Variants in TAF4B observed in about 807,000 individuals in gnomAD.
TAF4B encodes the protein transcription initiation factor TFIID subunit 4B.
Under a neutral mutation model 86.4 loss-of-function variants are expected in TAF4B, and 38 were observed. The ratio of observed to expected loss-of-function variants is 0.44; its 90% CI spans 0.34 to 0.58. TAF4B has a LOEUF of 0.58. TAF4B is among the 20% of genes least tolerant of loss of function. The pLI is 0.02. For missense variants in TAF4B, 988 were observed against 1,027.6 expected (o/e 0.96, Z 0.53); for synonymous variants, 388 against 391.2 (o/e 0.99, Z 0.10).
chr18:26,375,664 T>C (rs1161593436), intron 14 of TAF4B, among the ~76,000 whole-genome samples: 2 of 152,206 alleles, frequency 1.3e-5, no homozygotes, highest in Admixed American at 6.5e-5. Flanking sequence ...CTAATGATGT[T>C]GAGCATCTTT....
chr18:26,304,756 C>A, intron 9 of TAF4B: 1 of 985,286 alleles, frequency 1.0e-6, no homozygotes, highest in Non-Finnish European at 1.2e-6. Context: ...TTTACTGACA[C>A]CTTTTTTTTA....
At chr18:26,257,043 G>T (rs552021827) in intron 1 of TAF4B, among the ~76,000 whole-genome samples, 2 of 152,140 alleles carry the variant, frequency 1.3e-5, no homozygotes, top group African/African-American at 2.4e-5. Flanking sequence ...AGAATGTTTC[G>T]CATACACTTA....
In TAF4B at chr18:26,259,082, C is replaced by T. The variant is rs185540202; in HGVS notation, c.344-6088C>T. On this transcript the variant is annotated intron_variant, in intron 1 of 14. Coordinates refer to ENST00000269142, the MANE Select transcript of TAF4B (RefSeq NM_005640.3). ...GTGTCTTGGCGTGGGGATCTCTTTG[C>T]GTTTAGCTTACTTGGGGTTTCTTGA... Among the ~76,000 whole-genome samples, 10 of 151,782 alleles carry T rather than the reference C, an allele frequency of 6.6e-5. No homozygotes were observed. The South Asian group carries it at 1.0e-3, about 16-fold the overall frequency.
Position 26,389,866 on chromosome 18 carries a change from G to A in TAF4B, c.2443G>A (p.Ala815Thr). The change falls in exon 15 of 15, where the codon GCT becomes ACT. Residue 815 changes from alanine (A) to threonine (T), a missense_variant. By Grantham distance (58) the Ala-to-Thr change is moderately conservative. Coordinates refer to ENST00000269142, the MANE Select transcript of TAF4B (RefSeq NM_005640.3). ...GIEGLKDNLLASGTSSLTATK... is the reference protein window; with the variant it reads ...GIEGLKDNLLTSGTSSLTATK... ...TTAGGGCTTAAAAGACAACCTTCTTGCTTCTGGGACATCCAGCCTGACAGC... is the reference window on the plus strand; with the variant it reads ...TTAGGGCTTAAAAGACAACCTTCTTACTTCTGGGACATCCAGCCTGACAGC... 1 of 1,612,574 alleles carries A rather than the reference G, an allele frequency of 6.2e-7. No individual in the cohort carries two copies. The highest frequency in any genetic ancestry group is 8.5e-7 in the Non-Finnish European group (1 of 1,179,634).
chr18:26,293,458 A>G lies in TAF4B; in HGVS notation c.1759A>G (p.Asn587Asp). Residue 587 changes from asparagine to aspartate, a missense_variant, in exon 9 of 15, where the codon AAT (asparagine) becomes GAT (aspartate). By Grantham distance (23) the Asn-to-Asp change is conservative (BLOSUM62 1). Transcript: ENST00000269142. Reference protein sequence around the residue: ...SILKQITLPGNKILSLQASPT... With the variant: ...SILKQITLPGDKILSLQASPT... ...TCTAAAGCAAATTACTCTGCCTGGA[A>G]ATAAAATTCTGTCACTTCAAGCATC... 1 of 1,597,842 alleles carries G rather than the reference A, an allele frequency of 6.3e-7. No individual in the cohort carries two copies. The highest frequency in any genetic ancestry group is 8.5e-7 in the Non-Finnish European group (1 of 1,175,744).
At chr18:26,343,957 A>T (rs2057156239) in intron 13 of TAF4B, among the ~76,000 whole-genome samples, 1 of 152,238 alleles carries the variant, frequency 6.6e-6, no homozygotes, top group African/African-American at 2.4e-5. Context: ...CAGCCCCAAG[A>T]TAACATAGAT....
intron 10 of TAF4B, among the ~76,000 whole-genome samples, 179 bp from the exon 11 acceptor site, chr18:26,320,891 G>C (rs191059802): frequency 1.3e-5 from 2 of 152,236 alleles, no homozygotes; most frequent in African/African-American, 4.8e-5. Context: ...TTCAGGCTAG[G>C]TTTTATTAAT....
intron 9 of TAF4B, among the ~76,000 whole-genome samples, chr18:26,303,485 T>C (rs1226261705): frequency 2.6e-4 from 10 of 39,212 alleles, no homozygotes; most frequent in Non-Finnish European, 3.4e-4. Context: ...ACTTTCATCC[T>C]CCCTCCACTT....
chr18:26,232,467 G>A (rs1179876605), intron 1 of TAF4B, among the ~76,000 whole-genome samples: 2 of 152,162 alleles, frequency 1.3e-5, no homozygotes, highest in Non-Finnish European at 2.9e-5. Flanking sequence ...CCTCGATCCT[G>A]AAGGAAACAA....
intron 1 of TAF4B, among the ~76,000 whole-genome samples, chr18:26,229,440 C>T (rs1003583215): frequency 2.5e-4 from 37 of 150,200 alleles, no homozygotes; most frequent in Non-Finnish European, 5.0e-4. Flanking sequence ...ATTAAAGTAA[C>T]TTTTTAAAAA....
At position 26,275,136 on chromosome 18, in the gene TAF4B, GATTTATTTAATTTATTT is replaced by G. The variant is rs1294241916; in HGVS notation, c.882+99_882+115del. 92 of 1,348,422 alleles carry G rather than the reference GATTTATTTAATTTATTT, an allele frequency of 6.8e-5. 3 individuals carry two copies. In the Admixed American group the frequency reaches 2.0e-3, roughly 30 times the overall value. The allele number at this position is 1,348,422 out of a possible 1,614,324, so 83.5% of individuals were successfully genotyped here. Reference sequence around the variant, plus strand: ...TTGGGAAATGCATATTTTTAAATGGGATTTATTTAATTTATTTATTTATTTAATTTATGTTTTGAGAC... The same window carrying G: ...TTGGGAAATGCATATTTTTAAATGGGATTTATTTAATTTATGTTTTGAGAC... On this transcript the variant is annotated intron_variant, in intron 5 of 14. Coordinates refer to ENST00000269142, the MANE Select transcript of TAF4B (RefSeq NM_005640.3).
chr18:26,241,976 A>G (rs1026225519), intron 1 of TAF4B, among the ~76,000 whole-genome samples: 5 of 152,152 alleles, frequency 3.3e-5, no homozygotes, highest in Non-Finnish European at 5.9e-5. Context: ...CTGTTCTTTC[A>G]CATTTGCTGG....
At chr18:26,246,968 C>T (rs1041283554) in intron 1 of TAF4B, among the ~76,000 whole-genome samples, 12 of 152,088 alleles carry the variant, frequency 7.9e-5, no homozygotes, top group Admixed American at 2.0e-4. Context: ...TGGGTTCAAG[C>T]GATTCTCCTG....
intron 13 of TAF4B, among the ~76,000 whole-genome samples, chr18:26,342,027 G>T (rs2144708322): frequency 6.6e-6 from 1 of 152,150 alleles, no homozygotes; most frequent in South Asian, 2.1e-4. Context: ...TTTGATCCAT[G>T]AAATTTTCCA....
intron 14 of TAF4B, among the ~76,000 whole-genome samples, chr18:26,385,692 T>TTC (rs1555627593): frequency 0.018 from 2,569 of 145,178 alleles, 71 homozygotes; most frequent in African/African-American, 0.063. Flanking sequence ...TTTTTTTTTT[T>TTC]TTCTTCTTCT....
At chr18:26,346,428 A>G (rs1370922060) in intron 13 of TAF4B, among the ~76,000 whole-genome samples, 1 of 151,348 alleles carries the variant, frequency 6.6e-6, no homozygotes, top group Non-Finnish European at 1.5e-5. Flanking sequence ...GAAAAGATGT[A>G]GAAAACATAT....
intron 13 of TAF4B, among the ~76,000 whole-genome samples, chr18:26,346,797 A>ATGTG (rs1186267913): frequency 7.0e-4 from 15 of 21,360 alleles, no homozygotes; most frequent in South Asian, 2.5e-3. Context: ...ATATATATAT[A>ATGTG]TGTGTATATA....
chr18:26,251,460 T>A (rs1029501039), intron 1 of TAF4B, among the ~76,000 whole-genome samples: 2 of 152,102 alleles, frequency 1.3e-5, no homozygotes, highest in Non-Finnish European at 1.5e-5. Flanking sequence ...CACCAAGAAA[T>A]TGGCATTTTT....
intron 1 of TAF4B, among the ~76,000 whole-genome samples, chr18:26,236,335 G>A (rs760144406): frequency 1.3e-5 from 2 of 152,106 alleles, no homozygotes; most frequent in Non-Finnish European, 2.9e-5. Flanking sequence ...CGGCTGTCTG[G>A]GGCAGGAGAT....
Sources: allele counts gnomAD v4.1 joint callset (sites outside exome capture counted in the v4.1 genomes callset), GRCh38; gene constraint gnomAD v4.1.1; transcripts MANE v1.5; gene names NCBI Gene and HGNC (gene_info 2026-07-23, HGNC 2026-07-21).